The following DLGAP4 variants were observed in gnomAD, a reference collection of about 807,000 sequenced individuals.
The protein encoded by DLGAP4 is disks large-associated protein 4.
In DLGAP4, 18 loss-of-function variants were observed where a neutral mutation model predicts 86.9. That is an observed-to-expected ratio of 0.21 (90% CI 0.14 to 0.31). The LOEUF is 0.31. Ranked by LOEUF, DLGAP4 falls within the 10% of genes least tolerant of loss-of-function variation. The pLI is 1.00. For missense variants in DLGAP4, 1,085 were observed against 1,362.6 expected (o/e 0.80, Z 3.21); for synonymous variants, 548 against 574.3 (o/e 0.95, Z 0.65).
rs2065025018 is a variant in DLGAP4, at chr20:36,308,451, G to C, written c.-304+1939G>C. ...GGGTTATGTGGAACCCCGGGTGCCA[G>C]CCTTGAGATGGAACTGCAGGTCTGA... On this transcript the variant is annotated intron_variant, in intron 1 of 12. Coordinates refer to ENST00000339266, the MANE Select transcript of DLGAP4 (RefSeq NM_001365621.2). The surrounding 1 kb of genome is among the most constrained non-coding windows in gnomAD (Gnocchi z 4.5). 6.6e-6 allele frequency among the ~76,000 whole-genome samples: 1 copy of C among 152,226 alleles called. No homozygotes were observed. Among genetic ancestry groups the C allele is most frequent in the African/African-American group, 2.4e-5 (1 of 41,470 alleles).
Position 36,317,308 on chromosome 20 carries a change from C to CTTT in DLGAP4, c.-304+10796_-304+10797insTTT, listed in dbSNP as rs1600393315. On this transcript the variant is annotated intron_variant, in intron 1 of 12. Coordinates refer to ENST00000339266, the MANE Select transcript of DLGAP4 (RefSeq NM_001365621.2). ...TCTTTCTTTCTTATCTTTCTTTCTTCCTTCCTTCCTTCCTTCCTTCCTCTT... is the reference window on the plus strand; with the variant it reads ...TCTTTCTTTCTTATCTTTCTTTCTTCTTTCTTCCTTCCTTCCTTCCTTCCTCTT... 5.0e-3 allele frequency among the ~76,000 whole-genome samples: 120 copies of CTTT among 24,046 alleles called. 2 individuals carry two copies. Among genetic ancestry groups the CTTT allele is most frequent in the Non-Finnish European group, 6.3e-3 (84 of 13,274 alleles). 15.8% of individuals were successfully genotyped at this position (24,046 alleles called of 152,430 possible). A position where few individuals can be genotyped will look rare whatever the true frequency, so the allele number is the denominator to read the frequency against.
chr20:36,403,359 A>C (rs977513036), intron 2 of DLGAP4, among the ~76,000 whole-genome samples: 1 of 152,166 alleles, frequency 6.6e-6, no homozygotes, highest in African/African-American at 2.4e-5. Context: ...CACATCTTTA[A>C]AGTCCCACCT....
At chr20:36,335,141 G>C (rs1473664287) in intron 1 of DLGAP4, among the ~76,000 whole-genome samples, 1 of 152,264 alleles carries the variant, frequency 6.6e-6, no homozygotes, top group South Asian at 2.1e-4. Flanking sequence ...AGAGCTGGAG[G>C]CTTTTGAGAT....
chr20:36,315,343 G>T (rs1004370289), intron 1 of DLGAP4, among the ~76,000 whole-genome samples: 55 of 152,104 alleles, frequency 3.6e-4, no homozygotes, highest in South Asian at 1.7e-3. Flanking sequence ...GTGAGGAGGG[G>T]TGTGGTGCGG....
Position 36,527,266 on chromosome 20 carries a change from CTTTT to C in DLGAP4, c.*241_*244del, listed in dbSNP as rs200995929. The C allele has an allele frequency of 4.6e-6, 2 of 432,932 alleles. No individual in the cohort carries two copies. Among genetic ancestry groups the C allele is most frequent in the African/African-American group, 2.0e-5 (1 of 49,748 alleles). The allele number at this position is 432,932 out of a possible 1,614,324, so 26.8% of individuals were successfully genotyped here. A position where few individuals can be genotyped will look rare whatever the true frequency, so the allele number is the denominator to read the frequency against. On this transcript the variant is annotated 3_prime_UTR_variant, in exon 13 of 13. Coordinates refer to ENST00000339266, the MANE Select transcript of DLGAP4 (RefSeq NM_001365621.2). Reference sequence around the variant, plus strand: ...CAACAAAAATCACGAAACTAGAAAACTTTTTTTTTCCTCTTGCTGGCCGTGGTGG... The same window carrying C: ...CAACAAAAATCACGAAACTAGAAAACTTTTTCCTCTTGCTGGCCGTGGTGG...
At chr20:36,514,804 A>G (rs1243224425) in intron 10 of DLGAP4, among the ~76,000 whole-genome samples, 2 of 152,068 alleles carry the variant, frequency 1.3e-5, no homozygotes, top group African/African-American at 4.8e-5. Context: ...TATGCTGGAG[A>G]GAAAACAGGC....
At chr20:36,520,218 T>A (rs1226383371) in intron 10 of DLGAP4, among the ~76,000 whole-genome samples, 1 of 152,252 alleles carries the variant, frequency 6.6e-6, no homozygotes, top group Non-Finnish European at 1.5e-5. Flanking sequence ...ATTTTAAAAC[T>A]GGGTTTATCT....
chr20:36,485,898 G>A (rs756017362), intron 7 of DLGAP4, among the ~76,000 whole-genome samples: 3 of 152,236 alleles, frequency 2.0e-5, no homozygotes, highest in South Asian at 4.1e-4. Flanking sequence ...GCTCCGTGCC[G>A]AGGGTTTGTT....
At chr20:36,366,791 T>C (rs1449802517) in intron 1 of DLGAP4, among the ~76,000 whole-genome samples, 1 of 152,174 alleles carries the variant, frequency 6.6e-6, no homozygotes, top group East Asian at 1.9e-4. Flanking sequence ...CTGTGGGGAT[T>C]CTGTGGGTGG....
At chr20:36,338,020 G>C (rs1555892223) in intron 1 of DLGAP4, among the ~76,000 whole-genome samples, 1 of 152,246 alleles carries the variant, frequency 6.6e-6, no homozygotes, top group East Asian at 1.9e-4. Flanking sequence ...GAAGGCCTGG[G>C]TCTGCCCCAG....
intron 7 of DLGAP4, chr20:36,473,224 CTG>C (rs1354470341): frequency 2.0e-5 from 3 of 152,240 alleles, no homozygotes; most frequent in Non-Finnish European, 4.4e-5. Context: ...CTTTTGGTCA[CTG>C]TGGGCACTTA....
At chr20:36,332,461 T>A (rs1179918370) in intron 1 of DLGAP4, among the ~76,000 whole-genome samples, 3 of 152,114 alleles carry the variant, frequency 2.0e-5, no homozygotes, top group African/African-American at 7.2e-5. Context: ...ACGATCTCTG[T>A]TCACTGCAAC....
At chr20:36,336,320 C>T (rs960427122) in intron 1 of DLGAP4, among the ~76,000 whole-genome samples, 3 of 152,150 alleles carry the variant, frequency 2.0e-5, no homozygotes, top group African/African-American at 7.2e-5. Context: ...GAATCATGTT[C>T]TTCCCTAGGA....
At chr20:36,411,960 G>A (rs977110628) in intron 2 of DLGAP4, among the ~76,000 whole-genome samples, 7 of 152,190 alleles carry the variant, frequency 4.6e-5, no homozygotes, top group African/African-American at 1.7e-4. Flanking sequence ...GCCCCTGTGA[G>A]TATTAATCTC....
chr20:36,455,708 T>C (rs926227341), intron 7 of DLGAP4, among the ~76,000 whole-genome samples: 1 of 152,174 alleles, frequency 6.6e-6, no homozygotes, highest in African/African-American at 2.4e-5. Flanking sequence ...TCAGCTGCTA[T>C]GCCTGCCCCT....
In DLGAP4 at chr20:36,431,759, C is replaced by T. The variant is rs759994081; in HGVS notation, c.42C>T (p.Asp14=). 6.2e-7 allele frequency: 1 copy of T among 1,606,640 alleles called. No homozygotes were observed. The highest frequency in any genetic ancestry group is 8.5e-7 in the Non-Finnish European group (1 of 1,175,284). Residue 14 remains aspartate (D), a synonymous_variant, in exon 3 of 13, where the codon GAC becomes GAT. Coordinates refer to ENST00000339266, the MANE Select transcript of DLGAP4 (RefSeq NM_001365621.2). The surrounding 1 kb of genome is among the most constrained non-coding windows in gnomAD (Gnocchi z 5.1). The stretch of plus-strand genomic sequence containing the variant: ...ACAGCCGCCCCCGCCACCTCTCCGA[C>T]AGCCTAGACCCACCCCACGAGCCCC... The part of the protein sequence containing the change: ...LGDSRPRHLS[D]SLDPPHEPLF...
intron 2 of DLGAP4, among the ~76,000 whole-genome samples, chr20:36,380,244 T>TAA (rs2031321842): frequency 1.6e-5 from 2 of 125,050 alleles, no homozygotes; most frequent in African/African-American, 6.7e-5. Flanking sequence ...CTACAAAAAA[T>TAA]ACAAAAAAAA....
chr20:36,341,946 G>A (rs181539272), intron 1 of DLGAP4, among the ~76,000 whole-genome samples: 1 of 152,168 alleles, frequency 6.6e-6, no homozygotes, highest in African/African-American at 2.4e-5. Context: ...CACTTCATTC[G>A]ACTTTCTCCT....
intron 1 of DLGAP4, among the ~76,000 whole-genome samples, chr20:36,360,123 G>C (rs1475433659): frequency 5.3e-5 from 8 of 152,226 alleles, no homozygotes; most frequent in Non-Finnish European, 1.2e-4. Context: ...GATATACTAT[G>C]TGTATGCATT....
Sources: allele counts gnomAD v4.1 joint callset (sites outside exome capture counted in the v4.1 genomes callset), GRCh38; gene constraint gnomAD v4.1.1; non-coding constraint Gnocchi (gnomAD v3.1); transcripts MANE v1.5; gene names NCBI Gene and HGNC (gene_info 2026-07-23, HGNC 2026-07-21).